The following ANK2 variants were observed in gnomAD, a reference collection of about 807,000 sequenced individuals.
ANK2 encodes the protein ankyrin 2.
In ANK2, 83 loss-of-function variants were observed where a neutral mutation model predicts 360.5. The ratio of observed to expected loss-of-function variants is 0.23; its 90% CI spans 0.19 to 0.28. The LOEUF (loss-of-function observed/expected upper bound fraction) is 0.28. ANK2 is among the 10% of genes least tolerant of loss of function. The probability of loss-of-function intolerance (pLI) is 1.00; values close to 1 mark genes in which losing one functional copy is unlikely to be tolerated. For synonymous variants in ANK2, 1,740 were observed against 1,759.5 expected (o/e 0.99, Z 0.28); for missense variants, 4,201 against 4,795.7 (o/e 0.88, Z 3.66).
intron 4 of ANK2, among the ~76,000 whole-genome samples, chr4:113,202,681 A>T (rs1197919562): frequency 1.3e-5 from 2 of 152,182 alleles, no homozygotes; most frequent in Non-Finnish European, 2.9e-5. Context: ...AAATTTTTGG[A>T]ATTATAGGTT....
intron 22 of ANK2, 110 bp downstream of exon 22, chr4:113,293,648 C>A: frequency 9.2e-7 from 1 of 1,081,740 alleles, no homozygotes; most frequent in Non-Finnish European, 1.4e-6. Context: ...TAGTTTTGAA[C>A]TTCTTTTTGT....
intron 1 of ANK2, among the ~76,000 whole-genome samples, chr4:113,143,606 CT>C (rs2096723103): frequency 6.6e-6 from 1 of 152,160 alleles, no homozygotes; most frequent in Admixed American, 6.5e-5. Context: ...GGGAGTGCAT[CT>C]CTTTCAATAG....
chr4:113,299,988 A>G (rs1025541603), intron 22 of ANK2, among the ~76,000 whole-genome samples: 1 of 152,130 alleles, frequency 6.6e-6, no homozygotes, highest in African/African-American at 2.4e-5. Flanking sequence ...ATATGTAGCT[A>G]TAGTTGAATA....
intron 1 of ANK2, among the ~76,000 whole-genome samples, chr4:112,886,840 TA>T (rs1197076356): frequency 1.3e-5 from 2 of 151,886 alleles, no homozygotes; most frequent in Non-Finnish European, 2.9e-5. Context: ...CACCATATGA[TA>T]AAAAAAATTA....
intron 1 of ANK2, among the ~76,000 whole-genome samples, chr4:113,137,516 T>C (rs1207924284): frequency 1.3e-5 from 2 of 152,310 alleles, no homozygotes; most frequent in East Asian, 3.9e-4. Flanking sequence ...ACTAAGGAAC[T>C]GGTAGAAAAG....
At chr4:112,794,487 G>A in the ANK2 span, among the ~76,000 whole-genome samples, 1 of 152,116 alleles carries the variant, frequency 6.6e-6, no homozygotes, top group Non-Finnish European at 1.5e-5. Context: ...CAATACTCCT[G>A]GAAAAGCAAT....
At position 112,824,183 on chromosome 4, in the gene ANK2, C is replaced by CTAT. The variant is rs202200435; in HGVS notation, c.-40+5919_-40+5920insTAT. 2.6e-5 allele frequency among the ~76,000 whole-genome samples: 4 copies of CTAT among 151,034 alleles called. No individual in the cohort carries two copies. In the East Asian group the frequency reaches 7.7e-4, roughly 29 times the overall value. The stretch of plus-strand genomic sequence containing the variant: ...TCTATCTATCTATCTATCTATCTAT[C>CTAT]CGTCTATCTAGAGGGAGACAGGGTC... On this transcript the variant is annotated intron_variant, in intron 1 of 30. Coordinates refer to the ANK2 transcript ENST00000503271.
At chr4:113,321,733 A>C (rs571714868) in intron 26 of ANK2, among the ~76,000 whole-genome samples, 2 of 152,116 alleles carry the variant, frequency 1.3e-5, no homozygotes, top group East Asian at 3.9e-4. Context: ...TCTACCCAAA[A>C]TGTAAGGAAA....
chr4:113,320,189 T>C (rs933706592), intron 26 of ANK2, among the ~76,000 whole-genome samples: 1 of 152,226 alleles, frequency 6.6e-6, no homozygotes, highest in Non-Finnish European at 1.5e-5. Context: ...GCACTACTTA[T>C]GATGAACCAA....
At chr4:113,137,946 A>G (rs184165540) in intron 1 of ANK2, among the ~76,000 whole-genome samples, 18 of 152,340 alleles carry the variant, frequency 1.2e-4, no homozygotes, top group Non-Finnish European at 1.0e-4. Context: ...ACTTTCTAAT[A>G]TATTTATGAC....
chr4:112,831,548 C>T (rs796525597), intron 1 of ANK2, among the ~76,000 whole-genome samples: 4 of 150,388 alleles, frequency 2.7e-5, no homozygotes, highest in African/African-American at 7.4e-5. Context: ...CCTGTCAAAA[C>T]GGACCAATCA....
intron 2 of ANK2, among the ~76,000 whole-genome samples, chr4:112,959,814 C>T (rs1407547733): frequency 6.6e-6 from 1 of 152,122 alleles, no homozygotes. Flanking sequence ...AGCCCAGCTC[C>T]AGACACTTGT....
intron 1 of ANK2, among the ~76,000 whole-genome samples, chr4:112,853,172 G>T (rs139420617): frequency 1.1e-3 from 172 of 152,260 alleles, no homozygotes; most frequent in Non-Finnish European, 2.0e-3. Context: ...TGGTTCAAGG[G>T]ATTCTCCTGC....
chr4:112,956,656 T>G (rs1465597333), intron 2 of ANK2, among the ~76,000 whole-genome samples: 1 of 152,224 alleles, frequency 6.6e-6, no homozygotes, highest in Non-Finnish European at 1.5e-5. Flanking sequence ...AGTTTAAAAC[T>G]TATGAATTAT....
chr4:113,062,273 G>A (rs1250569058), intron 1 of ANK2, among the ~76,000 whole-genome samples: 1 of 152,078 alleles, frequency 6.6e-6, no homozygotes, highest in Non-Finnish European at 1.5e-5. Flanking sequence ...CAAGGGTCAT[G>A]TGGAGACCAT....
intron 2 of ANK2, among the ~76,000 whole-genome samples, chr4:113,009,946 A>ACACACACT (rs386401178): frequency 6.6e-6 from 1 of 151,596 alleles, no homozygotes; most frequent in African/African-American, 2.4e-5. Context: ...ACACACACAC[A>ACACACACT]CTCACACACA....
chr4:113,264,887 T>C lies in ANK2; in HGVS notation c.1387-10T>C. On this transcript the variant is annotated splice_polypyrimidine_tract_variant and intron_variant, in intron 13 of 45. Transcript: ENST00000357077. Reference sequence around the variant, plus strand: ...TAATTTATGATTTGACGATCTTTGTTCCCTGGCAGCGTGGTGAGACGGCAC... The same window carrying C: ...TAATTTATGATTTGACGATCTTTGTCCCCTGGCAGCGTGGTGAGACGGCAC... 1 of 1,557,022 alleles carries C rather than the reference T, an allele frequency of 6.4e-7. No individual in the cohort carries two copies. Among genetic ancestry groups the C allele is most frequent in the Non-Finnish European group, 8.7e-7 (1 of 1,149,486 alleles).
intron 1 of ANK2, among the ~76,000 whole-genome samples, chr4:112,828,321 G>A (rs986685016): frequency 3.0e-5 from 4 of 135,450 alleles, no homozygotes; most frequent in Middle Eastern, 4.4e-3. Flanking sequence ...TGCAACCTCC[G>A]CCTCCTGGGT....
At chr4:113,236,916 A>G (rs2099388174) in intron 5 of ANK2, 71 bp from the exon 6 acceptor site, 2 of 1,461,878 alleles carry the variant, frequency 1.4e-6, no homozygotes, top group African/African-American at 1.4e-5. Flanking sequence ...GATTAGAGGC[A>G]TCATTGCTTA....
Sources: allele counts gnomAD v4.1 joint callset (sites outside exome capture counted in the v4.1 genomes callset), GRCh38; gene constraint gnomAD v4.1.1; transcripts MANE v1.5; gene names NCBI Gene and HGNC (gene_info 2026-07-23, HGNC 2026-07-21).